Variants in ANXA2 observed in about 807,000 individuals in gnomAD.
ANXA2 encodes the protein annexin A2, also known as annexin II.
ANXA2 carries 28 observed loss-of-function variants against 47.3 expected under a neutral mutation model. The ratio of observed to expected loss-of-function variants is 0.59; its 90% CI spans 0.44 to 0.81. ANXA2 has a LOEUF of 0.81. ANXA2 is among the 40% of genes least tolerant of loss of function. ANXA2 has a pLI of 0.00. For synonymous variants in ANXA2, 172 were observed against 155.5 expected (o/e 1.11, Z -0.79); for missense variants, 384 against 414.3 (o/e 0.93, Z 0.64).
chr15:60,352,598 T>A lies in ANXA2; in HGVS notation c.589-122A>T. 1.4e-6 allele frequency: 1 copy of A among 711,626 alleles called. No homozygotes were observed. Among genetic ancestry groups the A allele is most frequent in the Non-Finnish European group, 2.5e-6 (1 of 406,966 alleles). The allele number at this position is 711,626 out of a possible 1,614,324, so 44.1% of individuals were successfully genotyped here. A position where few individuals can be genotyped will look rare whatever the true frequency, so the allele number is the denominator to read the frequency against. On this transcript the variant is annotated intron_variant, in intron 8 of 12. Transcript: ENST00000451270. The surrounding 1 kb of genome is among the most constrained non-coding windows in gnomAD (Gnocchi z 4.2). ...AATGCCAAACGAGGAAAGATGATTATACTGCAGACATGGGCAGAGACCTAC... is the reference window on the plus strand; with the variant it reads ...AATGCCAAACGAGGAAAGATGATTAAACTGCAGACATGGGCAGAGACCTAC...
intron 9 of ANXA2, 123 bp from the exon 10 acceptor site, chr15:60,351,942 A>G: frequency 1.4e-6 from 1 of 704,286 alleles, no homozygotes; most frequent in Non-Finnish European, 2.4e-6. Flanking sequence ...GCATCCTAGG[A>G]GCTTAGAGGT....
chr15:60,382,583 C>A, intron 2 of ANXA2, 142 bp from the exon 3 acceptor site: 1 of 541,080 alleles, frequency 1.8e-6, no homozygotes, highest in South Asian at 2.6e-5. Flanking sequence ...GGTATTAACA[C>A]ACCATCACAC....
chr15:60,397,300 G>A (rs1317439867), intron 1 of ANXA2: 1 of 985,576 alleles, frequency 1.0e-6, no homozygotes, highest in Non-Finnish European at 1.2e-6. Flanking sequence ...AAACTCTCCG[G>A]GTAGAGTGAA....
intron 7 of ANXA2, 144 bp from the exon 8 acceptor site, chr15:60,354,357 T>C (rs2062392723): frequency 2.8e-6 from 2 of 724,026 alleles, no homozygotes; most frequent in Non-Finnish European, 4.5e-6. Context: ...GAAACATAGA[T>C]GGGGCCGGGC....
At chr15:60,348,367 A>C (rs1177599509) in intron 12 of ANXA2, among the ~76,000 whole-genome samples, 1 of 152,216 alleles carries the variant, frequency 6.6e-6, no homozygotes, top group African/African-American at 2.4e-5. Flanking sequence ...CAGATGCTAA[A>C]CTGATTGGAG....
At chr15:60,356,344 C>T (rs1057494964) in intron 6 of ANXA2, among the ~76,000 whole-genome samples, 11 of 152,120 alleles carry the variant, frequency 7.2e-5, no homozygotes, top group African/African-American at 2.4e-4. Flanking sequence ...TGGAGGTCTA[C>T]ACACGCACAC....
In ANXA2 at chr15:60,352,326, C is replaced by T. The variant is rs2062362210; in HGVS notation, c.682+57G>A. 1.6e-6 allele frequency: 2 copies of T among 1,288,026 alleles called. No homozygotes were observed. The highest frequency in any genetic ancestry group is 1.5e-5 in the African/African-American group (1 of 67,652). The allele number at this position is 1,288,026 out of a possible 1,614,324, so 79.8% of individuals were successfully genotyped here. A position where few individuals can be genotyped will look rare whatever the true frequency, so the allele number is the denominator to read the frequency against. On this transcript the variant is annotated intron_variant, in intron 9 of 12. Transcript: ENST00000451270. The surrounding 1 kb of genome is among the most constrained non-coding windows in gnomAD (Gnocchi z 4.2). The stretch of plus-strand genomic sequence containing the variant: ...GACTCCATCCCAACATGGACATCCA[C>T]CCAGCCGCCCCAGCCAGGGCCCCAA...
chr15:60,364,322 C>A, intron 4 of ANXA2, 107 bp downstream of exon 4: 1 of 848,358 alleles, frequency 1.2e-6, no homozygotes. Flanking sequence ...CCAAGGGTCC[C>A]ACAAGTCTTT....
intron 4 of ANXA2, among the ~76,000 whole-genome samples, chr15:60,361,805 C>G (rs981904968): frequency 6.6e-6 from 1 of 152,074 alleles, no homozygotes; most frequent in Non-Finnish European, 1.5e-5. Flanking sequence ...GACAGACACC[C>G]CAACTCAATG....
chr15:60,392,461 T>A (rs1595712273), intron 1 of ANXA2, among the ~76,000 whole-genome samples: 1 of 148,922 alleles, frequency 6.7e-6, no homozygotes, highest in East Asian at 1.9e-4. Flanking sequence ...ACTACGAAAG[T>A]GCAGTTACAA....
chr15:60,352,692 A>G lies in ANXA2; in HGVS notation c.589-216T>C, dbSNP rs1005347464. ...ACAGATGGATACCATATGAGACTGC[A>G]GATAGTTCGTGAGGTCTGCTGTACA... On this transcript the variant is annotated intron_variant, in intron 8 of 12. Transcript: ENST00000451270. This position sits in a 1 kb window ranked among gnomAD's most constrained non-coding sequence, Gnocchi z 4.2. Among the ~76,000 whole-genome samples, 2 of 152,228 alleles carry G rather than the reference A, an allele frequency of 1.3e-5. No individual in the cohort carries two copies. The highest frequency in any genetic ancestry group is 1.9e-4 in the East Asian group (1 of 5,200).
chr15:60,370,642 A>G (rs1053098155), intron 3 of ANXA2, among the ~76,000 whole-genome samples: 1 of 152,184 alleles, frequency 6.6e-6, no homozygotes, highest in Non-Finnish European at 1.5e-5. Flanking sequence ...TCGAATACCT[A>G]TGTCAGCACA....
At chr15:60,349,879 AGGAGGCAGGAGAAGGCAG>A (rs1566928314) in intron 11 of ANXA2, among the ~76,000 whole-genome samples, 16 of 45,840 alleles carry the variant, frequency 3.5e-4, no homozygotes, top group South Asian at 1.1e-3. Context: ...GGGGAAGGCA[AGGAGGCAGGAGAAGGCAG>A]GGAGGCAGGG....
At chr15:60,356,679 G>A (rs916803392) in intron 6 of ANXA2, among the ~76,000 whole-genome samples, 3 of 152,218 alleles carry the variant, frequency 2.0e-5, no homozygotes, top group South Asian at 2.1e-4. Context: ...ATGCAGTAGC[G>A]ATGTAAGTTG....
At chr15:60,357,010 C>T (rs112061517) in intron 6 of ANXA2, 136 bp downstream of exon 6, 1 of 689,892 alleles carries the variant, frequency 1.4e-6, no homozygotes, top group Non-Finnish European at 2.5e-6. Flanking sequence ...GCCAACCTTG[C>T]CTGCATAGTC....
intron 4 of ANXA2, chr15:60,363,051 AAAAAAAAG>A (rs2062541899): frequency 6.6e-6 from 1 of 150,750 alleles, no homozygotes; most frequent in South Asian, 2.1e-4. Flanking sequence ...AAAAAAAAAA[AAAAAAAAG>A]TTTCAGGCTT....
chr15:60,357,339 T>C, intron 5 of ANXA2, 103 bp from the exon 6 acceptor site: 1 of 876,604 alleles, frequency 1.1e-6, no homozygotes, highest in South Asian at 1.5e-5. Flanking sequence ...ATTGGGTCTG[T>C]TAGCATCCTG....
chr15:60,351,126 C>T, intron 11 of ANXA2, 67 bp downstream of exon 11: 4 of 1,545,846 alleles, frequency 2.6e-6, no homozygotes, highest in South Asian at 2.2e-5. Flanking sequence ...CAAGGAGACT[C>T]AATTTGGGAC....
At chr15:60,397,125 C>A (rs2063090431) in intron 1 of ANXA2, 2 of 274,052 alleles carry the variant, frequency 7.3e-6, no homozygotes, top group Non-Finnish European at 1.1e-5. Flanking sequence ...AGCAGTGGGG[C>A]CAGCTGCACA....
Sources: allele counts gnomAD v4.1 joint callset (sites outside exome capture counted in the v4.1 genomes callset), GRCh38; gene constraint gnomAD v4.1.1; non-coding constraint Gnocchi (gnomAD v3.1); transcripts MANE v1.5; gene names NCBI Gene and HGNC (gene_info 2026-07-23, HGNC 2026-07-21).